The following DSCAML1 variants were observed in gnomAD, a reference collection of about 807,000 sequenced individuals.
DSCAML1 encodes DS cell adhesion molecule like 1.
A neutral mutation model predicts 200.5 loss-of-function variants in DSCAML1; 38 were observed. The observed-to-expected ratio is 0.19, with a 90% CI of 0.15 to 0.25. DSCAML1 has a LOEUF of 0.25. DSCAML1 is among the 10% of genes least tolerant of loss of function. DSCAML1 has a pLI of 1.00. For missense variants in DSCAML1, 2,223 were observed against 2,858.8 expected (o/e 0.78, Z 5.07); for synonymous variants, 1,215 against 1,165.0 (o/e 1.04, Z -0.87).
intron 3 of DSCAML1, among the ~76,000 whole-genome samples, chr11:117,542,350 C>A (rs931222845): frequency 1.3e-4 from 20 of 150,940 alleles, no homozygotes; most frequent in African/African-American, 4.7e-4. Context: ...ACAACAACAA[C>A]AACAAAAAAA....
intron 3 of DSCAML1, among the ~76,000 whole-genome samples, chr11:117,773,529 GCA>G (rs59492776): frequency 0.21 from 30,236 of 144,370 alleles, 3,115 homozygotes; most frequent in South Asian, 0.32. Flanking sequence ...ACCTCAAAAT[GCA>G]CACACACACA....
At chr11:117,551,755 G>A (rs939412052) in intron 3 of DSCAML1, among the ~76,000 whole-genome samples, 1 of 151,460 alleles carries the variant, frequency 6.6e-6, no homozygotes, top group Non-Finnish European at 1.5e-5. Context: ...TGAGGGCTTC[G>A]TGTAATTTAC....
intron 3 of DSCAML1, among the ~76,000 whole-genome samples, chr11:117,715,356 C>T (rs947319460): frequency 1.3e-5 from 2 of 152,168 alleles, no homozygotes; most frequent in Non-Finnish European, 2.9e-5. Context: ...AGCCTCCTGG[C>T]TTCTCCTCGA....
intron 3 of DSCAML1, among the ~76,000 whole-genome samples, chr11:117,543,999 G>T (rs3802879): frequency 0.27 from 41,032 of 151,922 alleles, 5,989 homozygotes; most frequent in African/African-American, 0.37. Flanking sequence ...CATTTCCTCT[G>T]CAAGGAAGGT....
intron 1 of DSCAML1, among the ~76,000 whole-genome samples, chr11:117,784,913 T>C (rs756583325): frequency 6.6e-6 from 1 of 152,188 alleles, no homozygotes; most frequent in South Asian, 2.1e-4. Context: ...TCACTCTCCC[T>C]GAGGGGTCGA....
In DSCAML1 at chr11:117,479,600, C is replaced by T. The variant is rs539323537; in HGVS notation, c.2785+843G>A. 2.6e-5 allele frequency among the ~76,000 whole-genome samples: 4 copies of T among 152,252 alleles called. No individual in the cohort carries two copies. In the South Asian group the frequency reaches 6.2e-4, roughly 24 times the overall value. On this transcript the variant is annotated intron_variant, in intron 14 of 32. Transcript: ENST00000651296. ...CCCACAGTGCCTCACAGTGGCGGGG[C>T]GGCCGCACAGCAGCCAGTTGGCACC...
chr11:117,474,935 T>G (rs963343916), intron 14 of DSCAML1, among the ~76,000 whole-genome samples: 1 of 152,078 alleles, frequency 6.6e-6, no homozygotes, highest in Non-Finnish European at 1.5e-5. Flanking sequence ...TTTTGTATTT[T>G]TAGTAGAGAT....
rs553370 is a variant in DSCAML1, at chr11:117,480,718, A to G, written c.2657-147T>C. ...AGCAGGGTGGGGGCTGGAGGAGGCC[A>G]GCAGCCAGGCTTGGAGGCTGAGGAG... On this transcript the variant is annotated intron_variant, in intron 13 of 32. Transcript: ENST00000651296. This position sits in a 1 kb window ranked among gnomAD's most constrained non-coding sequence, Gnocchi z 4.1. 0.13 allele frequency: 106,551 copies of G among 845,270 alleles called. 8,496 individuals carry two copies. Among genetic ancestry groups the G allele is most frequent in the Admixed American group, 0.29 (11,306 of 39,056 alleles). The allele number at this position is 845,270 out of a possible 1,614,324, so 52.4% of individuals were successfully genotyped here.
intron 3 of DSCAML1, among the ~76,000 whole-genome samples, chr11:117,733,847 C>A (rs1347408162): frequency 6.6e-6 from 1 of 151,792 alleles, no homozygotes; most frequent in Admixed American, 6.6e-5. Flanking sequence ...TCTCAGGGAC[C>A]AATTGCATGC....
rs201854896 is a variant in DSCAML1, at chr11:117,431,075, G to A, written c.5375-42C>T. The A allele has an allele frequency of 6.4e-6, 10 of 1,553,844 alleles. No individual in the cohort carries two copies. The South Asian group carries it at 7.3e-5, about 11-fold the overall frequency. On this transcript the variant is annotated intron_variant, in intron 31 of 32. Coordinates refer to ENST00000651296, the MANE Select transcript of DSCAML1 (RefSeq NM_020693.4). ...AAAGGGGTGGGTTACGGGGAGGAGG[G>A]TATAAGTGAGACTGACTGAGCACTT...
chr11:117,556,458 C>T (rs1273019113), intron 3 of DSCAML1, among the ~76,000 whole-genome samples: 2 of 152,126 alleles, frequency 1.3e-5, no homozygotes, highest in East Asian at 3.8e-4. Flanking sequence ...ACTGGAGACC[C>T]TTTCCTTTCT....
chr11:117,763,879 C>T (rs1386778240), intron 3 of DSCAML1, among the ~76,000 whole-genome samples: 4 of 152,108 alleles, frequency 2.6e-5, no homozygotes, highest in Non-Finnish European at 4.4e-5. Context: ...GCTCAGCCTG[C>T]CAAAACAGAC....
chr11:117,750,037 A>G (rs1260086692), intron 3 of DSCAML1, among the ~76,000 whole-genome samples: 1 of 152,244 alleles, frequency 6.6e-6, no homozygotes, highest in Non-Finnish European at 1.5e-5. Context: ...AGGGTACCCT[A>G]GAAATTGGAT....
At chr11:117,464,098 T>C (rs544811674) in intron 17 of DSCAML1, among the ~76,000 whole-genome samples, 1 of 152,198 alleles carries the variant, frequency 6.6e-6, no homozygotes, top group Admixed American at 6.5e-5. Flanking sequence ...GGAAATATCA[T>C]TCTGCCCTCC....
chr11:117,637,807 A>G (rs1206164268), intron 3 of DSCAML1, among the ~76,000 whole-genome samples: 3 of 152,234 alleles, frequency 2.0e-5, no homozygotes, highest in African/African-American at 7.2e-5. Flanking sequence ...TCCCCCCAAA[A>G]GCCAATGCAC....
intron 1 of DSCAML1, among the ~76,000 whole-genome samples, chr11:117,814,910 T>C (rs371644755): frequency 6.6e-6 from 1 of 152,304 alleles, no homozygotes; most frequent in African/African-American, 2.4e-5. Flanking sequence ...AGACCTGAAG[T>C]AGTATTTACT....
At chr11:117,812,507 T>G (rs2055769548) in intron 1 of DSCAML1, among the ~76,000 whole-genome samples, 1 of 152,060 alleles carries the variant, frequency 6.6e-6, no homozygotes, top group Non-Finnish European at 1.5e-5. Context: ...CATTATTCTG[T>G]TCTGGATCTC....
intron 3 of DSCAML1, among the ~76,000 whole-genome samples, chr11:117,686,098 C>T (rs762004479): frequency 3.5e-4 from 54 of 152,282 alleles, no homozygotes; most frequent in South Asian, 1.5e-3. Context: ...AGGTTCCCTC[C>T]CCACTACAGG....
At chr11:117,773,841 G>A (rs998917826) in intron 3 of DSCAML1, among the ~76,000 whole-genome samples, 1 of 152,122 alleles carries the variant, frequency 6.6e-6, no homozygotes, top group African/African-American at 2.4e-5. Flanking sequence ...GATTATAGAT[G>A]GGGCTGGAGG....
Sources: gnomAD v4.1 joint callset for allele counts (sites outside exome capture counted in the v4.1 genomes callset) on GRCh38, gnomAD v4.1.1 for gene constraint, Gnocchi (gnomAD v3.1) non-coding constraint, MANE v1.5 for transcripts, NCBI Gene and HGNC (gene_info 2026-07-23, HGNC 2026-07-21) for gene names.